The following FAM185A variants were observed in gnomAD, a reference collection of about 807,000 sequenced individuals.
FAM185A encodes the protein family with sequence similarity 185 member A, also known as protein FAM185A.
FAM185A carries 21 observed loss-of-function variants against 45.7 expected under a neutral mutation model. That is an observed-to-expected ratio of 0.46 (90% CI 0.33 to 0.66). FAM185A has a LOEUF of 0.66. FAM185A is among the 30% of genes least tolerant of loss of function. The pLI, the probability that FAM185A is intolerant of heterozygous loss-of-function variation, is 0.03. For synonymous variants in FAM185A, 117 were observed against 194.0 expected, an observed-to-expected ratio of 0.60 and a Z score of 3.30; for missense variants, 305 against 485.4, an observed-to-expected ratio of 0.63 and a Z score of 3.49.
At chr7:102,797,049 G>C (rs1796473588) in intron 7 of FAM185A, among the ~76,000 whole-genome samples, 1 of 152,202 alleles carries the variant, frequency 6.6e-6, no homozygotes, top group Non-Finnish European at 1.5e-5. Context: ...GCAAGTATTT[G>C]AGAGGAAATT....
At chr7:102,776,506 A>T (rs1324312672) in intron 5 of FAM185A, among the ~76,000 whole-genome samples, 1 of 152,092 alleles carries the variant, frequency 6.6e-6, no homozygotes, top group East Asian at 1.9e-4. Flanking sequence ...ACTTAAAGAT[A>T]CCTGTTCAAT....
the FAM185A span, among the ~76,000 whole-genome samples, chr7:102,826,767 A>G: frequency 1.8e-5 from 2 of 112,844 alleles, no homozygotes; most frequent in Admixed American, 1.0e-4. Flanking sequence ...ATATATATAT[A>G]TATATGTATA....
intron 7 of FAM185A, among the ~76,000 whole-genome samples, chr7:102,799,357 G>A (rs1796637601): frequency 1.3e-5 from 2 of 152,122 alleles, no homozygotes; most frequent in African/African-American, 2.4e-5. Flanking sequence ...TGGGAAAAAC[G>A]CAATGAGCTC....
intron 7 of FAM185A, among the ~76,000 whole-genome samples, chr7:102,794,035 C>CAAAAA (rs765672577): frequency 6.6e-5 from 4 of 60,590 alleles, no homozygotes; most frequent in Admixed American, 1.8e-4. Context: ...GACTCTGTCT[C>CAAAAA]AAAAAAAAAA....
chr7:102,785,527 A>C (rs1317026349), intron 6 of FAM185A, among the ~76,000 whole-genome samples: 1 of 152,194 alleles, frequency 6.6e-6, no homozygotes, highest in Non-Finnish European at 1.5e-5. Context: ...ATAATGCTGC[A>C]TATCTACAAC....
At chr7:102,760,677 G>T (rs1281709602) in intron 3 of FAM185A, among the ~76,000 whole-genome samples, 1 of 152,132 alleles carries the variant, frequency 6.6e-6, no homozygotes, top group Non-Finnish European at 1.5e-5. Context: ...AAGGATGCCT[G>T]CTGTCCCATT....
chr7:102,765,985 T>C (rs993385120), intron 4 of FAM185A, among the ~76,000 whole-genome samples: 4 of 152,142 alleles, frequency 2.6e-5, no homozygotes, highest in Admixed American at 1.3e-4. Flanking sequence ...TGAATATTGA[T>C]ACTTTTCAAA....
At chr7:102,797,140 C>T (rs1796479714) in intron 7 of FAM185A, among the ~76,000 whole-genome samples, 8 of 152,120 alleles carry the variant, frequency 5.3e-5, no homozygotes, top group African/African-American at 1.9e-4. Flanking sequence ...TTGGGTTACA[C>T]TTTTGTTGAG....
At chr7:102,836,575 CAG>C in the FAM185A span, among the ~76,000 whole-genome samples, 1 of 152,188 alleles carries the variant, frequency 6.6e-6, no homozygotes, top group Admixed American at 6.5e-5. Context: ...ACAGTAAAGA[CAG>C]AGATAAAAAT....
the FAM185A span, among the ~76,000 whole-genome samples, chr7:102,847,135 G>A: frequency 6.6e-6 from 1 of 152,004 alleles, no homozygotes; most frequent in Admixed American, 6.6e-5. Flanking sequence ...GCAAAGTTGG[G>A]AAGTTGCGAC....
In FAM185A at chr7:102,808,480, C is replaced by A; in HGVS notation, c.*78C>A. On this transcript the variant is annotated 3_prime_UTR_variant, in exon 8 of 8. Transcript: ENST00000413034. The stretch of plus-strand genomic sequence containing the variant: ...CTACAAAAATGTAAATCCCACCATT[C>A]ATATAAAGGTTGAAAACAACAAATT... The A allele has an allele frequency of 1.1e-6, 1 of 909,732 alleles. No individual in the cohort carries two copies. Among genetic ancestry groups the A allele is most frequent in the Non-Finnish European group, 1.7e-6 (1 of 572,796 alleles). 56.4% of individuals were successfully genotyped at this position (909,732 alleles called of 1,614,324 possible).
chr7:102,843,771 G>A, the FAM185A span, among the ~76,000 whole-genome samples: 1 of 152,140 alleles, frequency 6.6e-6, no homozygotes, highest in South Asian at 2.1e-4. Context: ...GCGAGACTCC[G>A]TCTTAATAAA....
At chr7:102,813,826 T>C (rs1205296582), downstream of FAM185A, among the ~76,000 whole-genome samples, 18 of 152,176 alleles carry the variant, frequency 1.2e-4, no homozygotes, top group Admixed American at 1.2e-3. Flanking sequence ...TTATACTGCT[T>C]TAAGTAAGCC....
chr7:102,758,160 C>T lies in FAM185A; in HGVS notation c.654+214C>T, dbSNP rs1584278453. On this transcript the variant is annotated intron_variant, in intron 3 of 7. Transcript: ENST00000413034. ...TAATACTTTTGACAGTTACTTAGTT[C>T]CTAGTCTGGAATCAATAAAAACTTA... Among the ~76,000 whole-genome samples the T allele has an allele frequency of 3.3e-5, 5 of 151,796 alleles. No homozygotes were observed. In the South Asian group the frequency reaches 1.0e-3, roughly 31 times the overall value.
intron 7 of FAM185A, among the ~76,000 whole-genome samples, chr7:102,788,614 T>C (rs985907679): frequency 3.9e-5 from 6 of 152,212 alleles, no homozygotes; most frequent in Non-Finnish European, 7.4e-5. Context: ...GGCAGACTCA[T>C]AGTTAAGTGG....
intron 2 of FAM185A, among the ~76,000 whole-genome samples, chr7:102,752,216 G>C (rs1423342511): frequency 6.6e-6 from 1 of 151,862 alleles, no homozygotes; most frequent in Non-Finnish European, 1.5e-5. Context: ...CATTACTTAA[G>C]GATTAAGTAG....
chr7:102,811,911 G>C (rs1042155244), downstream of FAM185A, among the ~76,000 whole-genome samples: 1 of 152,180 alleles, frequency 6.6e-6, no homozygotes, highest in African/African-American at 2.4e-5. Flanking sequence ...GTCAACCTCA[G>C]TGGGGGAGAA....
downstream of FAM185A, chr7:102,813,418 T>C (rs1469594253): frequency 3.1e-6 from 5 of 1,614,080 alleles, no homozygotes. Flanking sequence ...TGATGTTATG[T>C]TGTCAAGCTC....
the FAM185A span, among the ~76,000 whole-genome samples, chr7:102,843,750 T>C: frequency 6.6e-6 from 1 of 152,130 alleles, no homozygotes; most frequent in Admixed American, 6.5e-5. Context: ...CACTCCAGCC[T>C]GGGCGACAGA....
Sources: allele counts gnomAD v4.1 joint callset (sites outside exome capture counted in the v4.1 genomes callset), GRCh38; gene constraint gnomAD v4.1.1; transcripts MANE v1.5; gene names NCBI Gene and HGNC (gene_info 2026-07-23, HGNC 2026-07-21).